The following STK32A variants were observed in gnomAD, a reference collection of about 807,000 sequenced individuals.
STK32A encodes serine/threonine kinase 32A.
Under a neutral mutation model 53.2 loss-of-function variants are expected in STK32A, and 41 were observed. The observed-to-expected ratio is 0.77, with a 90% CI of 0.60 to 1.00. The LOEUF (loss-of-function observed/expected upper bound fraction) is 1.00. Among genes scored for constraint, STK32A ranks in the 50% least tolerant of loss-of-function variants. The probability of loss-of-function intolerance (pLI) is 0.00; values close to 1 mark genes in which losing one functional copy is unlikely to be tolerated. For synonymous variants in STK32A, 166 were observed against 162.8 expected (o/e 1.02, Z -0.15); for missense variants, 458 against 485.8 (o/e 0.94, Z 0.54).
chr5:147,373,421 CAGATGAGAGAATTGAGACAT>C, intron 10 of STK32A, 127 bp downstream of exon 10: 3 of 1,304,464 alleles, frequency 2.3e-6, no homozygotes, highest in Non-Finnish European at 3.2e-6. Flanking sequence ...TCCCATTTTA[CAGATGAGAGAATTGAGACAT>C]GCACAGGGTA....
intron 5 of STK32A, among the ~76,000 whole-genome samples, chr5:147,325,306 T>C (rs898175804): frequency 3.3e-5 from 5 of 149,282 alleles, no homozygotes; most frequent in African/African-American, 1.3e-4. Context: ...ATTTATTTTT[T>C]AAACCTTTAT....
At chr5:147,375,272 A>G (rs1400433773) in intron 11 of STK32A, 54 bp downstream of exon 11, 2 of 1,583,068 alleles carry the variant, frequency 1.3e-6, no homozygotes, top group Admixed American at 1.9e-5. Context: ...GATGGCTGCA[A>G]TATCTTCGAG....
chr5:147,382,009 A>C (rs564883760), intron 11 of STK32A, among the ~76,000 whole-genome samples: 1 of 151,996 alleles, frequency 6.6e-6, no homozygotes, highest in South Asian at 2.1e-4. Flanking sequence ...ATGTTTTAAG[A>C]AAGTTTACAA....
intron 4 of STK32A, among the ~76,000 whole-genome samples, chr5:147,293,479 T>TA (rs57835374): frequency 0.032 from 3,439 of 106,700 alleles, 77 homozygotes; most frequent in Middle Eastern, 0.048. Context: ...TATTTCGAGG[T>TA]AAAAAAAAAA....
intron 2 of STK32A, among the ~76,000 whole-genome samples, chr5:147,271,351 G>A (rs57543595): frequency 5.3e-5 from 8 of 151,816 alleles, no homozygotes; most frequent in South Asian, 2.1e-4. Flanking sequence ...CTGTCATCTC[G>A]TAAGCTGAGG....
intron 4 of STK32A, among the ~76,000 whole-genome samples, chr5:147,318,174 T>A (rs1376025129): frequency 6.6e-6 from 1 of 152,190 alleles, no homozygotes; most frequent in African/African-American, 2.4e-5. Context: ...CTGCATACTA[T>A]AGTGTGAACT....
rs138407078 is a variant in STK32A at position 147,310,565 on chromosome 5, C to A, written c.261-13333C>A. On this transcript the variant is annotated intron_variant, in intron 4 of 12. Coordinates refer to ENST00000397936, the MANE Select transcript of STK32A (RefSeq NM_001112724.2). ...CAGCCACTTGCTGAATCACAAGTGG[C>A]CATTTCCAATCCCATCAGTGACCCA... 1.2e-4 allele frequency among the ~76,000 whole-genome samples: 19 copies of A among 152,284 alleles called. No homozygotes were observed. The East Asian group carries it at 3.7e-3, about 29-fold the overall frequency.
intron 6 of STK32A, among the ~76,000 whole-genome samples, chr5:147,350,052 A>G (rs913478047): frequency 7.9e-5 from 12 of 151,756 alleles, no homozygotes; most frequent in Admixed American, 6.6e-4. Context: ...CGGAGATTGC[A>G]GTGAGCCGAG....
At chr5:147,275,057 C>T (rs769195253) in intron 2 of STK32A, among the ~76,000 whole-genome samples, 2 of 152,236 alleles carry the variant, frequency 1.3e-5, no homozygotes, top group Non-Finnish European at 2.9e-5. Context: ...TTGGCATTTA[C>T]TGTTCCTATT....
intron 2 of STK32A, among the ~76,000 whole-genome samples, chr5:147,245,580 CA>C (rs959071084): frequency 7.8e-4 from 117 of 150,014 alleles, no homozygotes; most frequent in East Asian, 2.3e-3. Flanking sequence ...GTTGAGGCAA[CA>C]AAAAAAAATC....
intron 2 of STK32A, among the ~76,000 whole-genome samples, 168 bp from the exon 3 acceptor site, chr5:147,277,956 A>G (rs993365135): frequency 3.3e-5 from 5 of 152,352 alleles, no homozygotes; most frequent in Admixed American, 1.3e-4. Flanking sequence ...GGATTAATAC[A>G]TAGTAAGTGT....
intron 4 of STK32A, among the ~76,000 whole-genome samples, chr5:147,297,993 A>AAC (rs1752947564): frequency 6.6e-6 from 1 of 151,136 alleles, no homozygotes; most frequent in East Asian, 1.9e-4. Context: ...AAAAAAAAAA[A>AAC]TACTATCTGA....
intron 4 of STK32A, among the ~76,000 whole-genome samples, chr5:147,313,589 G>T (rs546779983): frequency 6.6e-6 from 1 of 152,240 alleles, no homozygotes; most frequent in South Asian, 2.1e-4. Flanking sequence ...AAATCCAAGG[G>T]ACTCAAAATT....
chr5:147,325,162 A>C (rs1330903230), intron 5 of STK32A, among the ~76,000 whole-genome samples: 6 of 152,206 alleles, frequency 3.9e-5, no homozygotes, highest in Admixed American at 3.3e-4. Context: ...ATGAAAAATC[A>C]GTACATGTGA....
rs544589795 is a variant in STK32A at position 147,297,275 on chromosome 5, AC to A, written c.260+17878del. ...ATCTCAGCTTCTCTGTTGAGCACCT[AC>A]TCACGGAGGCCCCAAAGCCCTATAT... On this transcript the variant is annotated intron_variant, in intron 4 of 12. Transcript: ENST00000397936. Among the ~76,000 whole-genome samples, 227 of 152,306 alleles carry A rather than the reference AC, an allele frequency of 1.5e-3. 3 individuals carry two copies. Among genetic ancestry groups the A allele is most frequent in the African/African-American group, 4.5e-3 (189 of 41,570 alleles).
At chr5:147,289,665 A>G (rs1414857766) in intron 4 of STK32A, among the ~76,000 whole-genome samples, 32 of 151,962 alleles carry the variant, frequency 2.1e-4, no homozygotes, top group Admixed American at 2.1e-3. Flanking sequence ...GTGTGTGTAT[A>G]TATATATGTG....
intron 2 of STK32A, among the ~76,000 whole-genome samples, chr5:147,257,164 A>T (rs1754272379): frequency 6.6e-6 from 1 of 152,040 alleles, no homozygotes; most frequent in Non-Finnish European, 1.5e-5. Context: ...AGTAAATTAC[A>T]AAAACTGGTT....
intron 4 of STK32A, among the ~76,000 whole-genome samples, chr5:147,321,434 G>A (rs1754312997): frequency 6.6e-6 from 1 of 152,206 alleles, no homozygotes; most frequent in South Asian, 2.1e-4. Flanking sequence ...ATGTGCCAAA[G>A]GAGAAAGATG....
At chr5:147,359,842 G>A (rs546771422) in intron 7 of STK32A, among the ~76,000 whole-genome samples, 8 of 152,106 alleles carry the variant, frequency 5.3e-5, no homozygotes, top group Non-Finnish European at 8.8e-5. Context: ...GGCCAGTCCC[G>A]GGCATTGGGA....
Sources: allele counts gnomAD v4.1 joint callset (sites outside exome capture counted in the v4.1 genomes callset), GRCh38; gene constraint gnomAD v4.1.1; transcripts MANE v1.5; gene names NCBI Gene and HGNC (gene_info 2026-07-23, HGNC 2026-07-21).